Variants in MAGI2 observed in about 807,000 individuals in gnomAD.
The protein encoded by MAGI2 is membrane associated guanylate kinase, WW and PDZ domain containing 2, also known as membrane-associated guanylate kinase, WW and PDZ domain-containing protein 2.
A neutral mutation model predicts 133.3 loss-of-function variants in MAGI2; 35 were observed. The ratio of observed to expected loss-of-function variants is 0.26; its 90% CI spans 0.20 to 0.35. The LOEUF is 0.35. Ranked by LOEUF, MAGI2 falls within the 10% of genes least tolerant of loss-of-function variation. MAGI2 has a pLI of 1.00. For synonymous variants in MAGI2, 729 were observed against 710.6 expected (o/e 1.03, Z -0.41); for missense variants, 1,636 against 1,863.4 (o/e 0.88, Z 2.25).
At chr7:79,234,431 C>T (rs1831688182) in intron 1 of MAGI2, among the ~76,000 whole-genome samples, 1 of 151,926 alleles carries the variant, frequency 6.6e-6, no homozygotes, top group Non-Finnish European at 1.5e-5. Context: ...TTCAGGTACA[C>T]CAATCAGACG....
intron 1 of MAGI2, among the ~76,000 whole-genome samples, chr7:79,426,304 A>G (rs1221750876): frequency 6.6e-6 from 1 of 150,642 alleles, no homozygotes; most frequent in Non-Finnish European, 1.5e-5. Flanking sequence ...TCTCCTCCCT[A>G]TCTTCCTTCT....
chr7:79,348,138 C>T (rs1279776282), intron 1 of MAGI2, among the ~76,000 whole-genome samples: 1 of 151,788 alleles, frequency 6.6e-6, no homozygotes, highest in East Asian at 1.9e-4. Context: ...TTTTTATAAT[C>T]TGTGAACAAT....
chr7:78,606,339 G>C (rs1016503987), intron 3 of MAGI2, among the ~76,000 whole-genome samples: 1 of 152,080 alleles, frequency 6.6e-6, no homozygotes, highest in African/African-American at 2.4e-5. Flanking sequence ...GGAAGGAAAA[G>C]AATTAAGACC....
intron 2 of MAGI2, among the ~76,000 whole-genome samples, chr7:78,641,869 C>T (rs1349895754): frequency 1.3e-5 from 2 of 152,196 alleles, no homozygotes; most frequent in African/African-American, 2.4e-5. Flanking sequence ...AGGGGAAATA[C>T]GTGTTTTGTG....
chr7:79,245,038 C>G (rs1832721575), intron 1 of MAGI2, among the ~76,000 whole-genome samples: 1 of 152,196 alleles, frequency 6.6e-6, no homozygotes, highest in Non-Finnish European at 1.5e-5. Context: ...AGGGAACCCA[C>G]TTCCTTAAAG....
chr7:78,107,093 C>T (rs985023188), intron 20 of MAGI2, among the ~76,000 whole-genome samples: 1 of 152,130 alleles, frequency 6.6e-6, no homozygotes, highest in African/African-American at 2.4e-5. Flanking sequence ...GTTTTCCCAG[C>T]ACCATTTTTG....
intron 21 of MAGI2, among the ~76,000 whole-genome samples, chr7:78,041,994 G>T (rs1030611469): frequency 4.6e-5 from 7 of 152,200 alleles, no homozygotes; most frequent in African/African-American, 1.7e-4. Flanking sequence ...TGGCAGAGCT[G>T]CTCCCTTCAC....
intron 21 of MAGI2, among the ~76,000 whole-genome samples, chr7:78,035,892 G>A (rs1810167593): frequency 6.6e-6 from 1 of 152,012 alleles, no homozygotes; most frequent in South Asian, 2.1e-4. Context: ...TTCGTTGTTA[G>A]TAGTGCCTTC....
intron 6 of MAGI2, chr7:78,484,283 T>G (rs1194768718): frequency 6.6e-6 from 1 of 152,004 alleles, no homozygotes; most frequent in East Asian, 1.9e-4. Flanking sequence ...TTGTAAAGCA[T>G]GGCGTATGCT....
chr7:78,761,677 C>T (rs565441153), intron 2 of MAGI2, among the ~76,000 whole-genome samples: 3 of 152,118 alleles, frequency 2.0e-5, no homozygotes, highest in South Asian at 2.1e-4. Flanking sequence ...ATGCTGGTCT[C>T]GAACTCCTGA....
intron 1 of MAGI2, among the ~76,000 whole-genome samples, chr7:79,363,951 A>G (rs1563154252): frequency 6.6e-6 from 1 of 152,034 alleles, no homozygotes; most frequent in Non-Finnish European, 1.5e-5. Flanking sequence ...GTAGACATTC[A>G]AAAGAAGACA....
intron 3 of MAGI2, among the ~76,000 whole-genome samples, chr7:78,614,199 C>A (rs567982812): frequency 1.3e-5 from 2 of 150,648 alleles, no homozygotes; most frequent in Admixed American, 6.6e-5. Flanking sequence ...ATTTCCTCTC[C>A]AACTAAAAAC....
At chr7:78,272,193 G>A (rs994350944) in intron 9 of MAGI2, among the ~76,000 whole-genome samples, 10 of 152,142 alleles carry the variant, frequency 6.6e-5, no homozygotes, top group Middle Eastern at 6.8e-3. Context: ...CCTTCATTTC[G>A]TTATTTACCC....
At chr7:79,310,162 CAAAAAAAA>C (rs71518921) in intron 1 of MAGI2, among the ~76,000 whole-genome samples, 18 of 16,288 alleles carry the variant, frequency 1.1e-3, no homozygotes, top group African/African-American at 3.4e-3. Flanking sequence ...GAGTCCATCT[CAAAAAAAA>C]AAAAAAAAAA....
chr7:78,570,934 CTCT>C (rs1801435918), intron 3 of MAGI2, among the ~76,000 whole-genome samples: 1 of 151,844 alleles, frequency 6.6e-6, no homozygotes, highest in South Asian at 2.1e-4. Context: ...CAATATTGAT[CTCT>C]TCTTTTTAAG....
intron 1 of MAGI2, among the ~76,000 whole-genome samples, chr7:79,266,677 A>T (rs1452116456): frequency 2.0e-5 from 3 of 152,150 alleles, no homozygotes; most frequent in African/African-American, 2.4e-5. Flanking sequence ...AATAGTCTTT[A>T]AGAACTCCTT....
At chr7:78,519,264 A>T (rs1406789700) in intron 4 of MAGI2, 1 of 152,120 alleles carries the variant, frequency 6.6e-6, no homozygotes, top group Non-Finnish European at 1.5e-5. Flanking sequence ...CATTTCAAGG[A>T]CTGGGATTGT....
chr7:78,027,827 T>A (rs1809107615), intron 21 of MAGI2, among the ~76,000 whole-genome samples: 1 of 152,196 alleles, frequency 6.6e-6, no homozygotes, highest in African/African-American at 2.4e-5. Context: ...TAAATACTTT[T>A]ACTGCTCAAA....
chr7:78,155,723 A>T (rs1307756538), intron 16 of MAGI2, among the ~76,000 whole-genome samples: 1 of 152,218 alleles, frequency 6.6e-6, no homozygotes, highest in Non-Finnish European at 1.5e-5. Flanking sequence ...ACTCCTATGC[A>T]ATGGTTGGCC....
Sources: gnomAD v4.1 joint callset for allele counts (sites outside exome capture counted in the v4.1 genomes callset) on GRCh38, gnomAD v4.1.1 for gene constraint, MANE v1.5 for transcripts, NCBI Gene and HGNC (gene_info 2026-07-23, HGNC 2026-07-21) for gene names.